SLC14A2: variants seen among roughly 807,000 people sequenced by gnomAD.
SLC14A2 encodes the protein solute carrier family 14 member 2, also known as urea transporter 2.
In SLC14A2, 91 loss-of-function variants were observed where a neutral mutation model predicts 104.6. The ratio of observed to expected loss-of-function variants is 0.87; its 90% CI spans 0.73 to 1.04. The LOEUF (loss-of-function observed/expected upper bound fraction) is 1.04, where lower values mean the gene tolerates loss of function less well. Among genes scored for constraint, SLC14A2 ranks in the 50% least tolerant of loss-of-function variants. SLC14A2 has a pLI of 0.00. For synonymous variants in SLC14A2, 476 were observed against 466.4 expected, an observed-to-expected ratio of 1.02 and a Z score of -0.27; for missense variants, 1,189 against 1,156.0, an observed-to-expected ratio of 1.03 and a Z score of -0.41.
At chr18:45,442,705 A>G (rs1246095986) in intron 1 of SLC14A2, among the ~76,000 whole-genome samples, 1 of 152,236 alleles carries the variant, frequency 6.6e-6, no homozygotes, top group African/African-American at 2.4e-5. Flanking sequence ...ATCAATTCAT[A>G]AAAGGCTTGT....
At chr18:45,201,488 T>C in the SLC14A2 span, among the ~76,000 whole-genome samples, 1 of 152,128 alleles carries the variant, frequency 6.6e-6, no homozygotes, top group East Asian at 1.9e-4. Flanking sequence ...ACTTTGGTCA[T>C]TGGAAGCTCT....
At chr18:45,330,476 G>T (rs569324854) in intron 1 of SLC14A2, among the ~76,000 whole-genome samples, 21 of 152,344 alleles carry the variant, frequency 1.4e-4, no homozygotes, top group African/African-American at 4.6e-4. Context: ...GTGCATGGTT[G>T]CCAGAGGCTG....
intron 1 of SLC14A2, among the ~76,000 whole-genome samples, chr18:45,388,803 G>T (rs977697959): frequency 1.3e-5 from 2 of 152,132 alleles, no homozygotes; most frequent in Admixed American, 1.3e-4. Context: ...GGTCGCTGAA[G>T]GCCACAGGTG....
At chr18:45,292,705 G>C (rs2084881737) in intron 1 of SLC14A2, among the ~76,000 whole-genome samples, 1 of 152,166 alleles carries the variant, frequency 6.6e-6, no homozygotes, top group Admixed American at 6.5e-5. Context: ...CCCTGTTGGT[G>C]GTGGGACCGG....
At chr18:45,563,666 GTCTA>G (rs1397365566) in intron 2 of SLC14A2, among the ~76,000 whole-genome samples, 1 of 152,076 alleles carries the variant, frequency 6.6e-6, no homozygotes, top group Non-Finnish European at 1.5e-5. Context: ...AGATAATTCA[GTCTA>G]TCTTTTACCA....
chr18:45,244,798 A>C (rs1283041609), intron 1 of SLC14A2, among the ~76,000 whole-genome samples: 2 of 152,182 alleles, frequency 1.3e-5, no homozygotes, highest in Non-Finnish European at 2.9e-5. Context: ...AGGCAGAAAA[A>C]ATAAGAAAGA....
At chr18:45,638,547 G>A (rs2144546560) in intron 6 of SLC14A2, among the ~76,000 whole-genome samples, 1 of 152,238 alleles carries the variant, frequency 6.6e-6, no homozygotes, top group Non-Finnish European at 1.5e-5. Context: ...CTCACCTGAG[G>A]ACCTGCCATG....
At chr18:45,204,904 G>T in the SLC14A2 span, among the ~76,000 whole-genome samples, 2 of 152,058 alleles carry the variant, frequency 1.3e-5, no homozygotes, top group Non-Finnish European at 2.9e-5. Context: ...TGCTAATGTT[G>T]CATGAAGAGA....
intron 2 of SLC14A2, among the ~76,000 whole-genome samples, chr18:45,538,344 C>CTTTTAATTACAT (rs1363828052): frequency 6.6e-6 from 1 of 152,230 alleles, no homozygotes; most frequent in East Asian, 1.9e-4. Flanking sequence ...GCTTTGGGAT[C>CTTTTAATTACAT]TTTTAATTAC....
In SLC14A2 at chr18:45,639,414, G is replaced by A. The variant is rs112860323; in HGVS notation, c.844-332G>A. Reference sequence around the variant, plus strand: ...TTCAGAAGGTCTAGAGGAAATCCCCGAGAGCCCTGAAACTCCCAGCGGCAT... The same window carrying A: ...TTCAGAAGGTCTAGAGGAAATCCCCAAGAGCCCTGAAACTCCCAGCGGCAT... On this transcript the variant is annotated intron_variant, in intron 6 of 19. Transcript: ENST00000255226. Among the ~76,000 whole-genome samples, 755 of 152,270 alleles carry A rather than the reference G, an allele frequency of 5.0e-3. 10 individuals carry two copies. Among genetic ancestry groups the A allele is most frequent in the African/African-American group, 0.017 (698 of 41,532 alleles).
At position 45,644,236 on chromosome 18, in the gene SLC14A2, C is replaced by T. The variant is rs1239446477; in HGVS notation, c.1351+76C>T. 2.1e-6 allele frequency: 3 copies of T among 1,445,194 alleles called. No homozygotes were observed. The African/African-American group carries it at 4.2e-5, about 20-fold the overall frequency. 89.5% of individuals were successfully genotyped at this position (1,445,194 alleles called of 1,614,324 possible). On this transcript the variant is annotated intron_variant, in intron 10 of 19. Transcript: ENST00000255226. ...TCTCCCTGTGTTCTCTGCTCTGGTTCAATCAGTTGCAGCACTCACCTTCTT... is the reference window on the plus strand; with the variant it reads ...TCTCCCTGTGTTCTCTGCTCTGGTTTAATCAGTTGCAGCACTCACCTTCTT...
upstream of SLC14A2, among the ~76,000 whole-genome samples, chr18:45,208,414 G>A (rs1220157208): frequency 5.3e-5 from 8 of 152,136 alleles, no homozygotes; most frequent in Admixed American, 2.0e-4. Context: ...AAGAGCTAAC[G>A]ACAAGCTTAT....
At chr18:45,172,585 G>C in the SLC14A2 span, among the ~76,000 whole-genome samples, 75 of 152,188 alleles carry the variant, frequency 4.9e-4, no homozygotes, top group Non-Finnish European at 9.1e-4. Flanking sequence ...CACTGTCATT[G>C]CCTCATTAAA....
At chr18:45,511,113 T>TC (rs1422693200) in intron 2 of SLC14A2, among the ~76,000 whole-genome samples, 1 of 152,150 alleles carries the variant, frequency 6.6e-6, no homozygotes, top group Non-Finnish European at 1.5e-5. Context: ...TTTTCTTTTT[T>TC]CCCAGCCTTC....
At position 45,456,095 on chromosome 18, in the gene SLC14A2, T is replaced by G. The variant is rs572373575; in HGVS notation, c.-124-27138T>G. 3.9e-5 allele frequency among the ~76,000 whole-genome samples: 6 copies of G among 152,224 alleles called. No homozygotes were observed. In the South Asian group the frequency reaches 1.2e-3, roughly 32 times the overall value. ...GGGCTCACCTGTGCATTGTAGAATG[T>G]TTAGAAGCTCCCTGGCCTCTACCTA... On this transcript the variant is annotated intron_variant, in intron 1 of 20. Coordinates refer to the SLC14A2 transcript ENST00000586448.
intron 1 of SLC14A2, among the ~76,000 whole-genome samples, chr18:45,299,322 CCAGG>C (rs1270880330): frequency 2.6e-5 from 4 of 152,220 alleles, no homozygotes; most frequent in Non-Finnish European, 2.9e-5. Context: ...GCTTTGCATG[CCAGG>C]TTGCCTGTTG....
chr18:45,656,718 C>G (rs1040069364), intron 10 of SLC14A2, among the ~76,000 whole-genome samples: 1 of 152,174 alleles, frequency 6.6e-6, no homozygotes, highest in African/African-American at 2.4e-5. Flanking sequence ...GCTTTATCAT[C>G]AGGCATCATG....
chr18:45,314,269 G>A (rs537130713), intron 1 of SLC14A2, among the ~76,000 whole-genome samples: 8 of 152,122 alleles, frequency 5.3e-5, no homozygotes, highest in South Asian at 4.1e-4. Flanking sequence ...AACCTTGCCC[G>A]TGTCCAAGAT....
chr18:45,267,470 G>A (rs920264241), intron 1 of SLC14A2, among the ~76,000 whole-genome samples: 5 of 152,120 alleles, frequency 3.3e-5, no homozygotes, highest in African/African-American at 7.2e-5. Context: ...TCCATTGTTG[G>A]GGAAACTGGA....
Sources: allele counts gnomAD v4.1 joint callset (sites outside exome capture counted in the v4.1 genomes callset), GRCh38; gene constraint gnomAD v4.1.1; transcripts MANE v1.5; gene names NCBI Gene and HGNC (gene_info 2026-07-23, HGNC 2026-07-21).